MUC6: variants seen among roughly 807,000 people sequenced by gnomAD.
MUC6 encodes mucin-6.
MUC6 carries 188 observed loss-of-function variants against 201.5 expected under a neutral mutation model. The ratio of observed to expected loss-of-function variants is 0.93; its 90% CI spans 0.83 to 1.05. The LOEUF (loss-of-function observed/expected upper bound fraction) is 1.05, where lower values mean the gene tolerates loss of function less well. Among genes scored for constraint, MUC6 ranks in the 50% least tolerant of loss-of-function variants. MUC6 has a pLI of 0.00. For synonymous variants in MUC6, 1,228 were observed against 1,389.4 expected, an observed-to-expected ratio of 0.88 and a Z score of 2.58; for missense variants, 2,706 against 3,256.9, an observed-to-expected ratio of 0.83 and a Z score of 4.12.
chr11:1,024,167 A>C (rs1286110470), intron 24 of MUC6, 64 bp from the exon 25 acceptor site: 10 of 1,544,824 alleles, frequency 6.5e-6, no homozygotes, highest in Non-Finnish European at 8.7e-6. Flanking sequence ...AGGCTTTGCC[A>C]CCTGCAGGGC....
rs1235985511 is a variant in MUC6 at position 1,031,976 on chromosome 11, C to T, written c.193G>A (p.Gly65Arg). ...GCCGCGAAGATGTAGTTGCACGTCCCCGAGAAGTCGTACACGTGGTGGTCG... is the reference window on the plus strand; with the variant it reads ...GCCGCGAAGATGTAGTTGCACGTCCTCGAGAAGTCGTACACGTGGTGGTCG... ...TFDHHVYDFS[G>R]TCNYIFAATC... Residue 65 changes from glycine to arginine, a missense_variant, in exon 3 of 33, where the codon GGG becomes AGG. By Grantham distance (125) the Gly-to-Arg change is moderately radical. Transcript: ENST00000421673. 1 of 1,613,544 alleles carries T rather than the reference C, an allele frequency of 6.2e-7. No homozygotes were observed. Among genetic ancestry groups the T allele is most frequent in the Non-Finnish European group, 8.5e-7 (1 of 1,179,900 alleles).
chr11:1,036,169 C>T (rs1253987581), intron 1 of MUC6, among the ~76,000 whole-genome samples: 4 of 147,178 alleles, frequency 2.7e-5, no homozygotes, highest in African/African-American at 8.0e-5. Context: ...GACTAGGAAA[C>T]GAGGCCCAGG....
chr11:1,018,595 G>C lies in MUC6; in HGVS notation c.4206C>G (p.Thr1402=). 9 of 1,613,378 alleles carry C rather than the reference G, an allele frequency of 5.6e-6. No homozygotes were observed. Among genetic ancestry groups the C allele is most frequent in the Non-Finnish European group, 7.6e-6 (9 of 1,179,668 alleles). ...TAGGCGGGGAGTGTGTGGTGTGTGG[G>C]GTTTGGGGCGTTGTGTATTCAGTAG... ...RTTTEYTTPQ[T]PHTTHSPPTA... Residue 1402 remains threonine (T), a synonymous_variant, in exon 31 of 33, where the codon ACC becomes ACG. Coordinates refer to ENST00000421673, the MANE Select transcript of MUC6 (RefSeq NM_005961.3).
intron 27 of MUC6, 121 bp from the exon 28 acceptor site, chr11:1,020,855 A>C: frequency 7.8e-7 from 1 of 1,280,472 alleles, no homozygotes; most frequent in Non-Finnish European, 1.1e-6. Flanking sequence ...AGGGGACTGG[A>C]GGGGCTGGGA....
At chr11:1,031,494 GCATGGCAGCCTGA>G in intron 4 of MUC6, 100 bp downstream of exon 4, 23 of 1,473,208 alleles carry the variant, frequency 1.6e-5, no homozygotes, top group Non-Finnish European at 2.1e-5. Context: ...GGGCCTGGCT[GCATGGCAGCCTGA>G]GGGCTGGCTG....
In MUC6 at chr11:1,025,852, C is replaced by T; in HGVS notation, c.2752G>A (p.Gly918Arg). 1 of 1,613,050 alleles carries T rather than the reference C, an allele frequency of 6.2e-7. No homozygotes were observed. Among genetic ancestry groups the T allele is most frequent in the Non-Finnish European group, 8.5e-7 (1 of 1,179,788 alleles). ...CGTGAGCATGTGACCCCGGAGTTCC[C>T]ACAGATGACGTTCTCTGTCAGGATC... is the stretch of plus-strand genomic sequence containing the variant. ...FKILTENVIC[G>R]NSGVTCSRAI... The change falls in exon 22 of 33, where the codon GGG becomes AGG. Residue 918 changes from glycine (G) to arginine (R), a missense_variant. Physicochemically the swap from Gly to Arg is moderately radical, Grantham distance 125. Coordinates refer to ENST00000421673, the MANE Select transcript of MUC6 (RefSeq NM_005961.3).
intron 26 of MUC6, among the ~76,000 whole-genome samples, chr11:1,022,882 C>T (rs945745797): frequency 6.6e-6 from 1 of 151,784 alleles, no homozygotes; most frequent in Non-Finnish European, 1.5e-5. Context: ...GGTGAATGTG[C>T]GTGAGTGAAT....
Position 1,031,975 on chromosome 11 carries a change from C to T in MUC6, c.194G>A (p.Gly65Glu). The T allele has an allele frequency of 6.2e-7, 1 of 1,613,652 alleles. No homozygotes were observed. The stretch of plus-strand genomic sequence containing the variant: ...GGCCGCGAAGATGTAGTTGCACGTC[C>T]CCGAGAAGTCGTACACGTGGTGGTC... ...TFDHHVYDFS[G>E]TCNYIFAATC... Residue 65 changes from glycine (G) to glutamate (E), a missense_variant, in exon 3 of 33, where the codon GGG (glycine) becomes GAG (glutamate). Physicochemically the swap from Gly to Glu is moderately conservative, Grantham distance 98. Transcript: ENST00000421673.
In MUC6 at chr11:1,031,207, A is replaced by G. The variant is rs1459805204; in HGVS notation, c.536T>C (p.Phe179Ser). 10 of 1,576,902 alleles carry G rather than the reference A, an allele frequency of 6.3e-6. No homozygotes were observed. Among genetic ancestry groups the G allele is most frequent in the Admixed American group, 1.8e-5 (1 of 56,674 alleles). Residue 179 changes from phenylalanine (F) to serine (S), a missense_variant, in exon 5 of 33, where the codon TTT becomes TCT. Coordinates refer to ENST00000421673, the MANE Select transcript of MUC6 (RefSeq NM_005961.3). ...AAACTCGTTGGTCACCTTCCCGTCA[A>G]AGTTCCCGCAGAGCCCGCACATCTG... ...MGQMCGLCGN[F>S]DGKVTNEFVS...
intron 24 of MUC6, 40 bp downstream of exon 24, chr11:1,024,803 TG>T (rs36008044): frequency 0.074 from 117,053 of 1,592,062 alleles, 4,725 homozygotes; most frequent in Middle Eastern, 0.1. Flanking sequence ...ACCGGACATT[TG>T]TGGAGGGGCA....
At chr11:1,022,891 A>G (rs1422810114) in intron 26 of MUC6, among the ~76,000 whole-genome samples, 1 of 151,988 alleles carries the variant, frequency 6.6e-6, no homozygotes, top group Non-Finnish European at 1.5e-5. Flanking sequence ...GCGTGAGTGA[A>G]TGTTGAATGA....
In MUC6 at chr11:1,023,989, C is replaced by A. The variant is rs761123598; in HGVS notation, c.3340G>T (p.Asp1114Tyr). ...AVAAYAQACL[D>Y]KGVCVDWRTP... Reference sequence around the variant, plus strand: ...CTCCAGTCCACGCACACACCCTTGTCCAGACAGGCTTGGGCGTAGGCAGCC... The same window carrying A: ...CTCCAGTCCACGCACACACCCTTGTACAGACAGGCTTGGGCGTAGGCAGCC... Residue 1114 changes from aspartate to tyrosine, a missense_variant, in exon 25 of 33, where the codon GAC becomes TAC. Physicochemically the swap from Asp to Tyr is radical, Grantham distance 160 (BLOSUM62 -3). This residue lies in a region of MUC6 where 1,850 missense variants were observed against 1,958.3 expected (regional missense o/e 0.94). Coordinates refer to ENST00000421673, the MANE Select transcript of MUC6 (RefSeq NM_005961.3). 4 of 1,612,834 alleles carry A rather than the reference C, an allele frequency of 2.5e-6. No individual in the cohort carries two copies. Among genetic ancestry groups the A allele is most frequent in the Non-Finnish European group, 3.4e-6 (4 of 1,179,692 alleles).
At position 1,029,030 on chromosome 11, in the gene MUC6, G is replaced by A. The variant is rs776276523; in HGVS notation, c.1380+16C>T. ...CGGAGCCCTGCTGGCAGGGATGGGC[G>A]CAGGAAAGGCCTTACCTGCCTGGAG... is the stretch of plus-strand genomic sequence containing the variant. On this transcript the variant is annotated intron_variant, in intron 11 of 32. Coordinates refer to ENST00000421673, the MANE Select transcript of MUC6 (RefSeq NM_005961.3). The A allele has an allele frequency of 4.3e-6, 7 of 1,612,502 alleles. No homozygotes were observed. The highest frequency in any genetic ancestry group is 2.2e-5 in the South Asian group (2 of 91,070).
At chr11:1,021,341 C>A in intron 26 of MUC6, 64 bp from the exon 27 acceptor site, 1 of 1,175,678 alleles carries the variant, frequency 8.5e-7, no homozygotes, top group Non-Finnish European at 1.1e-6. Context: ...TGCGTGTTTC[C>A]TGCCCTGGCG....
chr11:1,036,294 C>T (rs536778519), intron 1 of MUC6, among the ~76,000 whole-genome samples: 1 of 152,304 alleles, frequency 6.6e-6, no homozygotes, highest in South Asian at 2.1e-4. Flanking sequence ...GCCCACTGTT[C>T]CCGCGGGAGT....
intron 31 of MUC6, among the ~76,000 whole-genome samples, chr11:1,015,171 C>T (rs1856573675): frequency 6.6e-6 from 1 of 152,146 alleles, no homozygotes; most frequent in Non-Finnish European, 1.5e-5. Flanking sequence ...TGTCCCCAGG[C>T]ATCCCATGGC....
chr11:1,026,090 G>C lies in MUC6; in HGVS notation c.2598C>G (p.Ser866=). 2 of 1,600,116 alleles carry C rather than the reference G, an allele frequency of 1.2e-6. No individual in the cohort carries two copies. Among genetic ancestry groups the C allele is most frequent in the Non-Finnish European group, 8.5e-7 (1 of 1,174,138 alleles). The part of the protein sequence containing the change: ...WACQQGTHCP[S]TCTLYGEGHV... ...GGCCCTCCCCGTAGAGGGTGCAGGT[G>C]GATGGGCAGTGGGTGCCCTGCTGAC... Residue 866 remains serine (S), a synonymous_variant, in exon 21 of 33, where the codon TCC becomes TCG. Coordinates refer to ENST00000421673, the MANE Select transcript of MUC6 (RefSeq NM_005961.3).
intron 16 of MUC6, 75 bp downstream of exon 16, chr11:1,027,610 G>A (rs1856996242): frequency 6.3e-7 from 1 of 1,585,518 alleles, no homozygotes; most frequent in African/African-American, 1.3e-5. Flanking sequence ...CAGAGCCTCA[G>A]AGCTTGGGGT....
At position 1,027,677 on chromosome 11, in the gene MUC6, G is replaced by C. The variant is rs1856998452; in HGVS notation, c.1981+8C>G. ...CGTGACCCCGCTTAAGCCCCGTCGGGCACTCACTGCAGTTGTCCACACTGC... is the reference window on the plus strand; with the variant it reads ...CGTGACCCCGCTTAAGCCCCGTCGGCCACTCACTGCAGTTGTCCACACTGC... On this transcript the variant is annotated splice_region_variant and intron_variant, in intron 16 of 32. Transcript: ENST00000421673. 6.3e-7 allele frequency: 1 copy of C among 1,593,610 alleles called. No homozygotes were observed.
Sources: gnomAD v4.1 joint callset for allele counts (sites outside exome capture counted in the v4.1 genomes callset) on GRCh38, gnomAD v4.1.1 for gene constraint, gnomAD v4.1.1 regional missense constraint, MANE v1.5 for transcripts, NCBI Gene and HGNC (gene_info 2026-07-23, HGNC 2026-07-21) for gene names.